Variants in DNAH9 observed in about 807,000 individuals in gnomAD.
The protein encoded by DNAH9 is DNAH9 variant protein.
Under a neutral mutation model 471.6 loss-of-function variants are expected in DNAH9, and 345 were observed. The ratio of observed to expected loss-of-function variants is 0.73; its 90% confidence interval spans 0.67 to 0.80. The LOEUF is 0.80. DNAH9 is among the 30% of genes least tolerant of loss of function. The pLI, the probability that DNAH9 is intolerant of heterozygous loss-of-function variation, is 0.00. For synonymous variants in DNAH9, 2,093 were observed against 2,123.6 expected, an observed-to-expected ratio of 0.99 and a Z score of 0.40; for missense variants, 5,407 against 5,609.2, an observed-to-expected ratio of 0.96 and a Z score of 1.15.
At chr17:11,913,781 CAAAA>C (rs202156734) in intron 61 of DNAH9, among the ~76,000 whole-genome samples, 1 of 110,406 alleles carries the variant, frequency 9.1e-6, no homozygotes, top group African/African-American at 3.3e-5. Flanking sequence ...GACCCCGTCT[CAAAA>C]AAAAAAAAAG....
At chr17:11,961,101 G>A (rs1053291841) in intron 67 of DNAH9, among the ~76,000 whole-genome samples, 1 of 152,110 alleles carries the variant, frequency 6.6e-6, no homozygotes, top group African/African-American at 2.4e-5. Context: ...GATCACTTGA[G>A]GTCAGGAGTT....
chr17:11,942,937 C>T (rs1362787934), intron 67 of DNAH9, among the ~76,000 whole-genome samples: 1 of 149,776 alleles, frequency 6.7e-6, no homozygotes, highest in Non-Finnish European at 1.5e-5. Flanking sequence ...GCTCTGTCGC[C>T]CAGGCTGGAG....
intron 50 of DNAH9, among the ~76,000 whole-genome samples, chr17:11,856,028 G>GC (rs1017345834): frequency 2.0e-5 from 3 of 152,248 alleles, no homozygotes; most frequent in East Asian, 3.9e-4. Context: ...AGCAGGAGCT[G>GC]CCCCCCTGCT....
intron 45 of DNAH9, among the ~76,000 whole-genome samples, chr17:11,810,605 A>G (rs1424874056): frequency 2.0e-5 from 3 of 152,168 alleles, no homozygotes; most frequent in Admixed American, 6.5e-5. Flanking sequence ...GAGCTCTCTT[A>G]GTGGGACTAG....
chr17:11,690,592 C>T (rs1184477898), intron 20 of DNAH9, among the ~76,000 whole-genome samples, 156 bp downstream of exon 20: 2 of 151,630 alleles, frequency 1.3e-5, no homozygotes, highest in Non-Finnish European at 2.9e-5. Flanking sequence ...TTACCTGCCA[C>T]CAAAAGTTAG....
chr17:11,717,328 T>C (rs1458558388), intron 26 of DNAH9, among the ~76,000 whole-genome samples: 1 of 151,588 alleles, frequency 6.6e-6, no homozygotes, highest in Non-Finnish European at 1.5e-5. Flanking sequence ...AGCCCTGGAG[T>C]TCGAAACTAG....
chr17:11,598,603 C>A lies in DNAH9; in HGVS notation c.105C>A (p.Ser35Arg). The A allele has an allele frequency of 7.4e-7, 1 of 1,343,220 alleles. No individual in the cohort carries two copies. Among genetic ancestry groups the A allele is most frequent in the Non-Finnish European group, 9.5e-7 (1 of 1,050,720 alleles). 83.2% of individuals were successfully genotyped at this position (1,343,220 alleles called of 1,614,324 possible). Residue 35 changes from serine (S) to arginine (R), a missense_variant, in exon 1 of 69, where the codon AGC (serine) becomes AGA (arginine). By Grantham distance (110) the Ser-to-Arg change is moderately radical. This residue lies in a region of DNAH9 where 767 missense variants were observed against 692.5 expected (regional missense o/e 1.11). Coordinates refer to ENST00000262442, the MANE Select transcript of DNAH9 (RefSeq NM_001372.4). ...LRLLGTYVAM[S>R]LRPAAGAWER... The stretch of plus-strand genomic sequence containing the variant: ...TCCTGGGGACCTACGTGGCCATGAG[C>A]CTGCGGCCGGCTGCGGGCGCCTGGG...
At chr17:11,847,308 C>T (rs1165808830) in intron 49 of DNAH9, among the ~76,000 whole-genome samples, 1 of 152,098 alleles carries the variant, frequency 6.6e-6, no homozygotes, top group Non-Finnish European at 1.5e-5. Context: ...AATGGTATTG[C>T]CTAGGTTGTC....
At chr17:11,617,263 A>G in intron 4 of DNAH9, 148 bp from the exon 5 acceptor site, 1 of 605,240 alleles carries the variant, frequency 1.7e-6, no homozygotes, top group Admixed American at 3.0e-5. Flanking sequence ...CAGTTTCCAT[A>G]TTTCCTCATA....
intron 43 of DNAH9, 54 bp downstream of exon 43, chr17:11,797,847 A>AG: frequency 6.4e-7 from 1 of 1,559,096 alleles, no homozygotes; most frequent in Non-Finnish European, 8.7e-7. Flanking sequence ...TCCCAATGAC[A>AG]GGGGTCTCAT....
At chr17:11,757,379 G>A (rs891068056) in intron 34 of DNAH9, among the ~76,000 whole-genome samples, 166 bp from the exon 35 acceptor site, 1 of 152,064 alleles carries the variant, frequency 6.6e-6, no homozygotes, top group African/African-American at 2.4e-5. Context: ...GCTGGAGTTG[G>A]TCCTCAATAG....
At chr17:11,652,560 C>T (rs531448549) in intron 13 of DNAH9, among the ~76,000 whole-genome samples, 1 of 152,210 alleles carries the variant, frequency 6.6e-6, no homozygotes, top group South Asian at 2.1e-4. Flanking sequence ...GCTGGGATTA[C>T]AGGCGTGACC....
chr17:11,696,535 C>A (rs2074480486), intron 22 of DNAH9, among the ~76,000 whole-genome samples: 1 of 152,058 alleles, frequency 6.6e-6, no homozygotes. Flanking sequence ...AGTTTCCACC[C>A]TTTTGCTTCA....
intron 26 of DNAH9, among the ~76,000 whole-genome samples, chr17:11,711,176 G>A (rs964763551): frequency 1.3e-5 from 2 of 151,944 alleles, no homozygotes; most frequent in Non-Finnish European, 2.9e-5. Context: ...TGAGCCAGTC[G>A]CTGCAGCCAA....
intron 53 of DNAH9, among the ~76,000 whole-genome samples, chr17:11,879,643 C>T (rs1048796424): frequency 1.3e-5 from 2 of 150,436 alleles, no homozygotes; most frequent in African/African-American, 2.5e-5. Context: ...TAAGGTGTAT[C>T]AATATGGCCT....
chr17:11,707,742 A>T (rs1423254483), intron 26 of DNAH9, among the ~76,000 whole-genome samples: 2 of 151,406 alleles, frequency 1.3e-5, no homozygotes, highest in African/African-American at 4.9e-5. Context: ...AGCCACCCTG[A>T]TGACTCACTC....
intron 43 of DNAH9, among the ~76,000 whole-genome samples, chr17:11,799,931 G>C (rs1408016496): frequency 2.0e-5 from 3 of 152,078 alleles, no homozygotes; most frequent in Non-Finnish European, 4.4e-5. Context: ...GCTAGATACT[G>C]TTGAGGAAAA....
intron 24 of DNAH9, 125 bp downstream of exon 24, chr17:11,701,372 T>A (rs2074591936): frequency 9.3e-7 from 1 of 1,072,926 alleles, no homozygotes; most frequent in Admixed American, 2.1e-5. Context: ...GAGGCTTGAA[T>A]CCCAGACCAC....
At chr17:11,767,395 A>C (rs28733280) in intron 36 of DNAH9, among the ~76,000 whole-genome samples, 24,273 of 152,200 alleles carry the variant, frequency 0.16, 3,710 homozygotes, top group African/African-American at 0.4. Context: ...AACATCAAAC[A>C]AATCTTTTCT....
Sources: allele counts gnomAD v4.1 joint callset (sites outside exome capture counted in the v4.1 genomes callset), GRCh38; gene constraint gnomAD v4.1.1; regional missense constraint gnomAD v4.1.1; transcripts MANE v1.5; gene names NCBI Gene and HGNC (gene_info 2026-07-23, HGNC 2026-07-21).